Variants in ZC3H7A observed in about 807,000 individuals in gnomAD.
The protein encoded by ZC3H7A is zinc finger CCCH-type containing 7A.
A neutral mutation model predicts 125.5 loss-of-function variants in ZC3H7A; 44 were observed. The observed-to-expected ratio is 0.35, with a 90% CI of 0.28 to 0.45. ZC3H7A has a LOEUF of 0.45. Ranked by LOEUF, ZC3H7A falls within the 20% of genes least tolerant of loss-of-function variation. The probability of loss-of-function intolerance (pLI) is 1.00; values close to 1 mark genes in which losing one functional copy is unlikely to be tolerated. For missense variants in ZC3H7A, 977 were observed against 1,170.7 expected (o/e 0.83, Z 2.41); for synonymous variants, 399 against 391.2 (o/e 1.02, Z -0.23).
At chr16:11,782,505 C>A in intron 1 of ZC3H7A, 117 bp from the exon 2 acceptor site, 1 of 841,628 alleles carries the variant, frequency 1.2e-6, no homozygotes. Context: ...CCATTTCTGA[C>A]TTGACTCCAG....
At chr16:11,777,739 G>T (rs565016219) in intron 4 of ZC3H7A, among the ~76,000 whole-genome samples, 2 of 151,602 alleles carry the variant, frequency 1.3e-5, no homozygotes, top group South Asian at 4.2e-4. Context: ...AAAAAAGGTG[G>T]CCAGGCGTGG....
At chr16:11,776,690 AAT>A in intron 5 of ZC3H7A, 59 bp downstream of exon 5, 1 of 1,542,312 alleles carries the variant, frequency 6.5e-7, no homozygotes, top group Non-Finnish European at 8.7e-7. Flanking sequence ...TAACTCTTTA[AAT>A]GCCATTTATT....
chr16:11,777,693 C>T (rs1468725028), intron 4 of ZC3H7A, among the ~76,000 whole-genome samples: 2 of 151,786 alleles, frequency 1.3e-5, no homozygotes, highest in African/African-American at 4.8e-5. Context: ...TGCATTACAG[C>T]CTGGGCAACA....
At chr16:11,759,052 C>A (rs2052698627) in intron 19 of ZC3H7A, 1 of 153,120 alleles carries the variant, frequency 6.5e-6, no homozygotes, top group African/African-American at 2.4e-5. Context: ...TATCAGAAGA[C>A]AATTATCACA....
At position 11,756,145 on chromosome 16, in the gene ZC3H7A, C is replaced by T; in HGVS notation, c.2562+92G>A. On this transcript the variant is annotated intron_variant, in intron 21 of 22. Transcript: ENST00000355758. The stretch of plus-strand genomic sequence containing the variant: ...ACCACTGCACTCCAGCCTGGTGACA[C>T]AACGAGACTCCATCTCAAAAAAAAG... The T allele has an allele frequency of 5.3e-6, 8 of 1,520,028 alleles. 1 individual carries two copies. In the South Asian group the frequency reaches 1.1e-4, roughly 20 times the overall value. 94.2% of individuals were successfully genotyped at this position (1,520,028 alleles called of 1,614,324 possible). A position where few individuals can be genotyped will look rare whatever the true frequency, so the allele number is the denominator to read the frequency against.
intron 1 of ZC3H7A, among the ~76,000 whole-genome samples, chr16:11,791,804 G>A (rs1486622821): frequency 2.0e-5 from 3 of 152,090 alleles, no homozygotes; most frequent in East Asian, 3.8e-4. Context: ...AGACAGCGAC[G>A]GAAAAAAACC....
chr16:11,782,210 T>C, intron 2 of ZC3H7A, 77 bp downstream of exon 2: 2 of 1,527,320 alleles, frequency 1.3e-6, no homozygotes, highest in East Asian at 4.5e-5. Flanking sequence ...ACTAAAGAGT[T>C]CTTCCTCTCC....
chr16:11,767,573 T>C lies in ZC3H7A; in HGVS notation c.1366A>G (p.Lys456Glu). Residue 456 changes from lysine to glutamate, a missense_variant, in exon 13 of 23, where the codon AAG becomes GAG. By Grantham distance (56) the Lys-to-Glu change is moderately conservative. This residue lies in a region of ZC3H7A where 342 missense variants were observed against 311.3 expected (regional missense o/e 1.10). Transcript: ENST00000355758. ...GCATGGTAAGTGAAATCCATTAACT[T>C]AGGGCCTGAAAAAGATGTAAAGAGG... ...CQICFVKSGPKLMDFTYHANI... is the reference protein window; with the variant it reads ...CQICFVKSGPELMDFTYHANI... 1.9e-6 allele frequency: 3 copies of C among 1,567,032 alleles called. No individual in the cohort carries two copies. The highest frequency in any genetic ancestry group is 1.7e-6 in the Non-Finnish European group (2 of 1,160,058).
chr16:11,795,405 A>G (rs568945602), intron 1 of ZC3H7A, among the ~76,000 whole-genome samples: 1 of 152,308 alleles, frequency 6.6e-6, no homozygotes, highest in Admixed American at 6.5e-5. Flanking sequence ...ATTACACAAA[A>G]TAAGCCATAC....
At position 11,781,417 on chromosome 16, in the gene ZC3H7A, G is replaced by A; in HGVS notation, c.108+8C>T. ...GAGCTTTCAAGCAGACCTTCCCGGA[G>A]TCATTACCGCATATTGCTCCTGTGT... On this transcript the variant is annotated splice_region_variant and intron_variant, in intron 3 of 22. Coordinates refer to ENST00000355758, the MANE Select transcript of ZC3H7A (RefSeq NM_014153.4). 2 of 1,601,326 alleles carry A rather than the reference G, an allele frequency of 1.2e-6. No individual in the cohort carries two copies. The highest frequency in any genetic ancestry group is 2.2e-5 in the South Asian group (2 of 89,392).
Position 11,776,888 on chromosome 16 carries a change from C to T in ZC3H7A, c.328G>A (p.Glu110Lys). Residue 110 changes from glutamate to lysine, a missense_variant, in exon 5 of 23, where the codon GAG becomes AAG. Glu to Lys is a moderately conservative substitution (Grantham distance 56, BLOSUM62 1). This residue lies in a region of ZC3H7A where 199 missense variants were observed against 256.1 expected (regional missense o/e 0.78). Coordinates refer to ENST00000355758, the MANE Select transcript of ZC3H7A (RefSeq NM_014153.4). ...AAACTGAGGACTATATTGCAGTCCT[C>T]CAAAACTTTATCATGGAAACCCTGG... ...SNMGFHDKVL[E>K]DCNIVLSLNA... 6.3e-7 allele frequency: 1 copy of T among 1,598,676 alleles called. No homozygotes were observed.
chr16:11,774,835 A>G, intron 8 of ZC3H7A, 145 bp downstream of exon 8: 1 of 1,034,524 alleles, frequency 9.7e-7, no homozygotes, highest in Admixed American at 2.4e-5. Context: ...CAAAGGGAGC[A>G]TTGGAAATCA....
chr16:11,773,805 C>T (rs887837898), intron 9 of ZC3H7A, among the ~76,000 whole-genome samples: 4 of 151,886 alleles, frequency 2.6e-5, no homozygotes, highest in Admixed American at 6.6e-5. Flanking sequence ...ATGGTGTGAA[C>T]CCGGGAGGCG....
chr16:11,774,618 G>A (rs919002776), intron 8 of ZC3H7A, 99 bp from the exon 9 acceptor site: 4 of 1,310,838 alleles, frequency 3.1e-6, no homozygotes, highest in East Asian at 2.5e-5. Flanking sequence ...AAAATATGAA[G>A]GCAATTATAA....
At position 11,762,052 on chromosome 16, in the gene ZC3H7A, A is replaced by T; in HGVS notation, c.2080-9T>A. On this transcript the variant is annotated splice_polypyrimidine_tract_variant and intron_variant, in intron 17 of 22. Transcript: ENST00000355758. ...ATTTGATTACCAAGTACCTTAAACA[A>T]TTAAAAGATTCGTTTTAATTTTTTT... 1.3e-6 allele frequency: 2 copies of T among 1,573,138 alleles called. No individual in the cohort carries two copies. Among genetic ancestry groups the T allele is most frequent in the East Asian group, 4.5e-5 (2 of 44,148 alleles).
intron 10 of ZC3H7A, among the ~76,000 whole-genome samples, chr16:11,770,108 G>A (rs2052953371): frequency 6.6e-6 from 1 of 151,802 alleles, no homozygotes; most frequent in Non-Finnish European, 1.5e-5. Context: ...TCTTAGTCTA[G>A]CACTCAATTA....
At position 11,776,327 on chromosome 16, in the gene ZC3H7A, G is replaced by A; in HGVS notation, c.578C>T (p.Ala193Val). ...CAGAAAAAATAACTTTACCTTGGTAGCCCCATCCCCAGGAACTGATTTTAA... is the reference window on the plus strand; with the variant it reads ...CAGAAAAAATAACTTTACCTTGGTAACCCCATCCCCAGGAACTGATTTTAA... ...LSLKSVPGDG[A>V]TKALNHSVED... is the part of the protein sequence containing the mutation. Residue 193 changes from alanine to valine, a missense_variant, in exon 7 of 23, where the codon GCT becomes GTT. Around this residue, in one of 3 missense-constraint regions of ZC3H7A, gnomAD observed 199 missense variants for 256.1 expected, o/e 0.78. Coordinates refer to ENST00000355758, the MANE Select transcript of ZC3H7A (RefSeq NM_014153.4). 1.2e-6 allele frequency: 2 copies of A among 1,607,616 alleles called. No individual in the cohort carries two copies. Among genetic ancestry groups the A allele is most frequent in the Non-Finnish European group, 1.7e-6 (2 of 1,178,506 alleles).
At chr16:11,773,948 T>C (rs944977582) in intron 9 of ZC3H7A, among the ~76,000 whole-genome samples, 1 of 152,116 alleles carries the variant, frequency 6.6e-6, no homozygotes, top group Non-Finnish European at 1.5e-5. Flanking sequence ...TTTTCTTAAA[T>C]ATCAAACGCC....
chr16:11,762,962 T>C (rs1392531026), intron 16 of ZC3H7A: 17 of 479,940 alleles, frequency 3.5e-5, no homozygotes, highest in Non-Finnish European at 5.6e-5. Context: ...CTCCCAACAA[T>C]TGCATGTATC....
Sources: allele counts gnomAD v4.1 joint callset (sites outside exome capture counted in the v4.1 genomes callset), GRCh38; gene constraint gnomAD v4.1.1; regional missense constraint gnomAD v4.1.1; transcripts MANE v1.5; gene names NCBI Gene and HGNC (gene_info 2026-07-23, HGNC 2026-07-21).